Variants in CNTNAP2 observed in about 807,000 individuals in gnomAD.
CNTNAP2 encodes contactin associated protein 2.
CNTNAP2 carries 98 observed loss-of-function variants against 155.2 expected under a neutral mutation model. That is an observed-to-expected ratio of 0.63 (90% CI 0.54 to 0.75). The LOEUF is 0.75. CNTNAP2 is among the 30% of genes least tolerant of loss of function. CNTNAP2 has a pLI of 0.00. For synonymous variants in CNTNAP2, 651 were observed against 631.2 expected (o/e 1.03, Z -0.47); for missense variants, 1,727 against 1,688.1 (o/e 1.02, Z -0.40).
At chr7:147,012,652 G>A (rs79121317) in intron 3 of CNTNAP2, among the ~76,000 whole-genome samples, 8,453 of 152,176 alleles carry the variant, frequency 0.056, 318 homozygotes, top group Middle Eastern at 0.13. Flanking sequence ...TGAGAATTGT[G>A]ATATTTGAGG....
chr7:147,466,922 A>T (rs1019369704), intron 10 of CNTNAP2, among the ~76,000 whole-genome samples: 5 of 152,090 alleles, frequency 3.3e-5, no homozygotes, highest in African/African-American at 9.7e-5. Flanking sequence ...TCCATCTCAA[A>T]AATAATAATA....
At chr7:147,560,168 C>CAAAAAAAAAAAAAAAAAAAAAAAAAA (rs71183016) in intron 11 of CNTNAP2, among the ~76,000 whole-genome samples, 19 of 52,818 alleles carry the variant, frequency 3.6e-4, no homozygotes, top group African/African-American at 6.3e-4. Context: ...AACTCCGTCT[C>CAAAAAAAAAAAAAAAAAAAAAAAAAA]AAAAAAAAAA....
At chr7:148,018,536 T>A (rs534166151) in intron 15 of CNTNAP2, among the ~76,000 whole-genome samples, 2 of 152,184 alleles carry the variant, frequency 1.3e-5, no homozygotes, top group South Asian at 4.1e-4. Flanking sequence ...AGGAATAAAA[T>A]GGAAAAGGAG....
chr7:146,260,497 G>A (rs553535550), intron 1 of CNTNAP2, among the ~76,000 whole-genome samples: 31 of 152,336 alleles, frequency 2.0e-4, no homozygotes, highest in African/African-American at 7.5e-4. Flanking sequence ...AGGTAGAGCT[G>A]TTCAAGGCCT....
At chr7:147,734,188 C>T (rs1294416797) in intron 13 of CNTNAP2, among the ~76,000 whole-genome samples, 2 of 152,074 alleles carry the variant, frequency 1.3e-5, no homozygotes, top group African/African-American at 4.8e-5. Context: ...GAGATACATC[C>T]CATCAATACC....
chr7:147,523,868 A>T (rs1215781302), intron 11 of CNTNAP2, among the ~76,000 whole-genome samples: 1 of 152,208 alleles, frequency 6.6e-6, no homozygotes, highest in African/African-American at 2.4e-5. Flanking sequence ...CGTTACCTGC[A>T]GAAAATAAAT....
At chr7:146,481,505 G>A (rs923287669) in intron 1 of CNTNAP2, among the ~76,000 whole-genome samples, 1 of 152,170 alleles carries the variant, frequency 6.6e-6, no homozygotes, top group Non-Finnish European at 1.5e-5. Flanking sequence ...ATACTGTAAA[G>A]CACTTAGAAC....
intron 1 of CNTNAP2, among the ~76,000 whole-genome samples, chr7:146,541,548 C>A (rs976128670): frequency 5.3e-5 from 8 of 152,004 alleles, no homozygotes; most frequent in Non-Finnish European, 1.0e-4. Context: ...TAGAAATATT[C>A]TTTACATTCA....
intron 3 of CNTNAP2, among the ~76,000 whole-genome samples, chr7:146,983,386 A>C (rs1798055360): frequency 6.6e-6 from 1 of 152,164 alleles, no homozygotes; most frequent in African/African-American, 2.4e-5. Context: ...TGCAATTTGT[A>C]CTTGAAAAAA....
chr7:148,030,037 C>A (rs1802446308), intron 15 of CNTNAP2, among the ~76,000 whole-genome samples: 1 of 152,184 alleles, frequency 6.6e-6, no homozygotes. Context: ...AGTGAATAAC[C>A]TTTAACTAAT....
chr7:147,588,908 A>G (rs1800686004), intron 12 of CNTNAP2, among the ~76,000 whole-genome samples: 1 of 152,194 alleles, frequency 6.6e-6, no homozygotes, highest in Admixed American at 6.5e-5. Flanking sequence ...CCACGAAAAG[A>G]ATGCAGCAAC....
At chr7:147,613,202 C>T (rs1801220130) in intron 12 of CNTNAP2, among the ~76,000 whole-genome samples, 1 of 152,076 alleles carries the variant, frequency 6.6e-6, no homozygotes, top group South Asian at 2.1e-4. Flanking sequence ...TAAAATAAAA[C>T]CTCATTGTAG....
At chr7:146,721,131 A>G (rs1197032733) in intron 1 of CNTNAP2, among the ~76,000 whole-genome samples, 2 of 132,992 alleles carry the variant, frequency 1.5e-5, no homozygotes, top group Non-Finnish European at 3.1e-5. Flanking sequence ...TATATCCTAT[A>G]TATATTCTCT....
At chr7:147,923,545 G>A (rs531292957) in intron 14 of CNTNAP2, among the ~76,000 whole-genome samples, 13 of 151,968 alleles carry the variant, frequency 8.6e-5, no homozygotes, top group African/African-American at 1.9e-4. Flanking sequence ...GTGGCATCTC[G>A]GTCTGTCACC....
chr7:147,261,751 G>C (rs1804471646), intron 8 of CNTNAP2, among the ~76,000 whole-genome samples: 1 of 152,150 alleles, frequency 6.6e-6, no homozygotes, highest in African/African-American at 2.4e-5. Context: ...AAAATGAAGG[G>C]TATTATGACA....
At position 146,953,558 on chromosome 7, in the gene CNTNAP2, C is replaced by T. The variant is rs28393262; in HGVS notation, c.403-90349C>T. Among the ~76,000 whole-genome samples the T allele has an allele frequency of 2.0e-3, 301 of 151,942 alleles. 2 individuals are homozygous for T. The highest frequency in any genetic ancestry group is 6.6e-3 in the African/African-American group (276 of 41,516). On this transcript the variant is annotated intron_variant, in intron 3 of 23. Transcript: ENST00000361727. ...ATAGGTTTGTAACGAATTCCAATTACGAAATTCGAAATAAGCATAAAACAA... is the reference window on the plus strand; with the variant it reads ...ATAGGTTTGTAACGAATTCCAATTATGAAATTCGAAATAAGCATAAAACAA...
chr7:148,353,972 C>G (rs1798470355), intron 21 of CNTNAP2, among the ~76,000 whole-genome samples: 1 of 152,166 alleles, frequency 6.6e-6, no homozygotes, highest in Non-Finnish European at 1.5e-5. Flanking sequence ...GAGCTATTAT[C>G]ATCGAACGTT....
At chr7:148,277,585 G>GT (rs1554410970) in intron 21 of CNTNAP2, among the ~76,000 whole-genome samples, 1 of 124,988 alleles carries the variant, frequency 8.0e-6, no homozygotes, top group Non-Finnish European at 1.7e-5. Context: ...GTTAGTACAG[G>GT]ACCGCCCCCC....
chr7:147,131,273 G>T (rs565253347), intron 7 of CNTNAP2, among the ~76,000 whole-genome samples: 1 of 150,896 alleles, frequency 6.6e-6, no homozygotes, highest in Non-Finnish European at 1.5e-5. Flanking sequence ...ATATGGTGTT[G>T]TTAAAAATAT....
Sources: allele counts gnomAD v4.1 joint callset (sites outside exome capture counted in the v4.1 genomes callset), GRCh38; gene constraint gnomAD v4.1.1; transcripts MANE v1.5; gene names NCBI Gene and HGNC (gene_info 2026-07-23, HGNC 2026-07-21).